Variants in CPNE8 observed in about 807,000 individuals in gnomAD.
The protein encoded by CPNE8 is copine-8.
Under a neutral mutation model 81.5 loss-of-function variants are expected in CPNE8, and 45 were observed. The observed-to-expected ratio is 0.55, with a 90% confidence interval of 0.44 to 0.71. The LOEUF is 0.71. Ranked by LOEUF, CPNE8 falls within the 30% of genes least tolerant of loss-of-function variation. CPNE8 has a pLI of 0.00. For synonymous variants in CPNE8, 252 were observed against 226.3 expected, an observed-to-expected ratio of 1.11 and a Z score of -1.02; for missense variants, 594 against 672.1, an observed-to-expected ratio of 0.88 and a Z score of 1.28.
At chr12:38,664,696 C>G (rs1939029109) in intron 19 of CPNE8, among the ~76,000 whole-genome samples, 1 of 152,072 alleles carries the variant, frequency 6.6e-6, no homozygotes, top group African/African-American at 2.4e-5. Flanking sequence ...GGCTCATAAT[C>G]ATCACTGTTC....
chr12:38,675,443 C>A (rs1350896432), intron 18 of CPNE8, among the ~76,000 whole-genome samples: 24 of 152,112 alleles, frequency 1.6e-4, no homozygotes, highest in Admixed American at 1.6e-3. Context: ...TACAAACTAC[C>A]TCTAATGAAA....
At chr12:38,855,856 CAATT>C (rs932843899) in intron 3 of CPNE8, among the ~76,000 whole-genome samples, 6 of 151,680 alleles carry the variant, frequency 4.0e-5, no homozygotes, top group Non-Finnish European at 8.8e-5. Flanking sequence ...CAATTATTGT[CAATT>C]AAAAGTTAAA....
At chr12:38,817,614 C>CTTTTTATTTTT (rs1943047013) in intron 6 of CPNE8, among the ~76,000 whole-genome samples, 1 of 90,608 alleles carries the variant, frequency 1.1e-5, no homozygotes, top group Non-Finnish European at 2.0e-5. Context: ...TTAATTTATT[C>CTTTTTATTTTT]TTTTTTTTTT....
chr12:38,760,219 C>A (rs1941544468), intron 10 of CPNE8, among the ~76,000 whole-genome samples: 1 of 151,928 alleles, frequency 6.6e-6, no homozygotes, highest in South Asian at 2.1e-4. Flanking sequence ...ATTTCTGGGT[C>A]CTTGGCTTAA....
intron 6 of CPNE8, among the ~76,000 whole-genome samples, chr12:38,801,812 G>A (rs199591369): frequency 0.31 from 31,234 of 101,156 alleles, 5,942 homozygotes; most frequent in Non-Finnish European, 0.41. Context: ...GATGGAGGAA[G>A]ATCTACCAAG....
In CPNE8 at chr12:38,652,455, C is replaced by A. The variant is rs2136624857; in HGVS notation, c.*1427G>T. 1 of 152,576 alleles carries A rather than the reference C, an allele frequency of 6.6e-6. No homozygotes were observed. The allele number at this position is 152,576 out of a possible 1,614,324, so 9.5% of individuals were successfully genotyped here. A position where few individuals can be genotyped will look rare whatever the true frequency, so the allele number is the denominator to read the frequency against. On this transcript the variant is annotated 3_prime_UTR_variant, in exon 20 of 20. Transcript: ENST00000331366. ...TAGATATGTGGATGTATATATTTTT[C>A]TTTCCAGTAAAATAGTTTCATGCTT...
At chr12:38,723,160 A>G (rs1180166745) in intron 13 of CPNE8, among the ~76,000 whole-genome samples, 3 of 152,152 alleles carry the variant, frequency 2.0e-5, no homozygotes, top group Non-Finnish European at 4.4e-5. Flanking sequence ...AGGTTAAGAA[A>G]AGGAAGAAAT....
chr12:38,791,051 C>A (rs1327935599), intron 6 of CPNE8, among the ~76,000 whole-genome samples: 1 of 151,766 alleles, frequency 6.6e-6, no homozygotes, highest in Non-Finnish European at 1.5e-5. Flanking sequence ...CCAAACTGAT[C>A]TGGCAACAAA....
At chr12:38,900,712 AAG>A (rs1944449260) in intron 1 of CPNE8, among the ~76,000 whole-genome samples, 2 of 152,050 alleles carry the variant, frequency 1.3e-5, no homozygotes, top group Non-Finnish European at 2.9e-5. Flanking sequence ...TACCTTTTAT[AAG>A]TATTTTTTAG....
intron 5 of CPNE8, among the ~76,000 whole-genome samples, chr12:38,832,920 C>T (rs2137028553): frequency 6.6e-6 from 1 of 152,182 alleles, no homozygotes; most frequent in South Asian, 2.1e-4. Context: ...GATCCATCTA[C>T]AAACCAAAAT....
At chr12:38,787,341 T>C (rs1239615749) in intron 6 of CPNE8, among the ~76,000 whole-genome samples, 1 of 151,884 alleles carries the variant, frequency 6.6e-6, no homozygotes, top group Non-Finnish European at 1.5e-5. Flanking sequence ...ATTTAAAATA[T>C]GCTCCTGAAA....
chr12:38,747,298 C>T (rs1205333065), intron 10 of CPNE8, among the ~76,000 whole-genome samples: 3 of 152,160 alleles, frequency 2.0e-5, no homozygotes, highest in Non-Finnish European at 4.4e-5. Context: ...TGCTTGCTTA[C>T]TTACTCATCT....
At chr12:38,661,776 A>G (rs1010971941) in intron 19 of CPNE8, among the ~76,000 whole-genome samples, 3 of 152,130 alleles carry the variant, frequency 2.0e-5, no homozygotes, top group African/African-American at 7.2e-5. Context: ...AGCAAACCAA[A>G]TACAACAGCA....
In CPNE8 at chr12:38,748,826, A is replaced by C. The variant is rs559575086; in HGVS notation, c.722+12021T>G. Among the ~76,000 whole-genome samples, 326 of 152,324 alleles carry C rather than the reference A, an allele frequency of 2.1e-3. 2 individuals are homozygous for C. Among genetic ancestry groups the C allele is most frequent in the African/African-American group, 7.3e-3 (305 of 41,580 alleles). On this transcript the variant is annotated intron_variant, in intron 10 of 19. Coordinates refer to ENST00000331366, the MANE Select transcript of CPNE8 (RefSeq NM_153634.3). ...ATTTGTACCCATTTATAATACCTTAAAAATATAAAAATACCTATCTCAGTT... is the reference window on the plus strand; with the variant it reads ...ATTTGTACCCATTTATAATACCTTACAAATATAAAAATACCTATCTCAGTT...
At chr12:38,751,523 C>A (rs1479369569) in intron 10 of CPNE8, among the ~76,000 whole-genome samples, 1 of 152,126 alleles carries the variant, frequency 6.6e-6, no homozygotes, top group African/African-American at 2.4e-5. Context: ...AATCTATGGA[C>A]TACACATAGC....
upstream of CPNE8, chr12:38,905,982 C>T (rs977705364): frequency 6.1e-6 from 6 of 985,304 alleles, no homozygotes; most frequent in South Asian, 9.4e-5. Flanking sequence ...TGCACACCCA[C>T]ACTCGCCTCC....
At position 38,691,804 on chromosome 12, in the gene CPNE8, G is replaced by A. The variant is rs570507470; in HGVS notation, c.1143+1853C>T. On this transcript the variant is annotated intron_variant, in intron 15 of 19. Coordinates refer to ENST00000331366, the MANE Select transcript of CPNE8 (RefSeq NM_153634.3). ...CTGGTAAGGGCTGTATCCTCACATC[G>A]CAGAAGGCAGGGCGAGCTGAGTAAG... is the stretch of plus-strand genomic sequence containing the variant. Among the ~76,000 whole-genome samples the A allele has an allele frequency of 9.2e-5, 14 of 152,240 alleles. No individual in the cohort carries two copies. The South Asian group carries it at 2.7e-3, about 29-fold the overall frequency.
chr12:38,869,816 C>G (rs1243743870), intron 3 of CPNE8, among the ~76,000 whole-genome samples: 1 of 152,154 alleles, frequency 6.6e-6, no homozygotes, highest in African/African-American at 2.4e-5. Flanking sequence ...TTTTCAAACC[C>G]TTTTTGATCA....
At chr12:38,749,359 G>A (rs1202026577) in intron 10 of CPNE8, among the ~76,000 whole-genome samples, 6 of 152,168 alleles carry the variant, frequency 3.9e-5, no homozygotes, top group Non-Finnish European at 1.5e-5. Context: ...CCTGAAAACA[G>A]GCTAATACAC....
Sources: allele counts gnomAD v4.1 joint callset (sites outside exome capture counted in the v4.1 genomes callset), GRCh38; gene constraint gnomAD v4.1.1; transcripts MANE v1.5; gene names NCBI Gene and HGNC (gene_info 2026-07-23, HGNC 2026-07-21).